The following FIGNL2 variants were observed in gnomAD, a reference collection of about 807,000 sequenced individuals.
FIGNL2 encodes fidgetin like 2.
For missense variants in FIGNL2, 1,060 were observed against 950.2 expected, an observed-to-expected ratio of 1.12 and a Z score of -1.52; for synonymous variants, 565 against 484.0, an observed-to-expected ratio of 1.17 and a Z score of -2.20.
intron 1 of FIGNL2, chr12:51,847,757 T>C: frequency 4.1e-6 from 4 of 985,392 alleles, no homozygotes; most frequent in Non-Finnish European, 4.8e-6. Context: ...AAGGACCCTC[T>C]GCAGCGGCGG....
Position 51,820,679 on chromosome 12 carries a change from T to C in FIGNL2, c.1735A>G (p.Ser579Gly). 6.6e-7 allele frequency: 1 copy of C among 1,512,456 alleles called. No individual in the cohort carries two copies. Among genetic ancestry groups the C allele is most frequent in the Non-Finnish European group, 8.8e-7 (1 of 1,138,066 alleles). The allele number at this position is 1,512,456 out of a possible 1,614,324, so 93.7% of individuals were successfully genotyped here. Residue 579 changes from serine to glycine, a missense_variant, in exon 2 of 2, where the codon AGT (serine) becomes GGT (glycine). Coordinates refer to ENST00000618634, the MANE Select transcript of FIGNL2 (RefSeq NM_001384995.1). Reference protein sequence around the residue: ...RALAQQGCALSERELAALVQG... With the variant: ...RALAQQGCALGERELAALVQG... The stretch of plus-strand genomic sequence containing the variant: ...ACCAGCGCCGCCAGTTCCCGCTCAC[T>C]GAGCGCGCAGCCCTGCTGGGCCAGC...
At chr12:51,827,939 C>T (rs1441998359) in intron 1 of FIGNL2, among the ~76,000 whole-genome samples, 1 of 152,208 alleles carries the variant, frequency 6.6e-6, no homozygotes, top group East Asian at 1.9e-4. Context: ...TCTTCAGGGT[C>T]ACATGGCTGT....
intron 1 of FIGNL2, among the ~76,000 whole-genome samples, chr12:51,842,914 C>T (rs1437923709): frequency 6.6e-6 from 1 of 152,190 alleles, no homozygotes; most frequent in Non-Finnish European, 1.5e-5. Context: ...GAAGGTGGCA[C>T]CACATCAGAA....
chr12:51,842,564 AT>A (rs1939680618), intron 1 of FIGNL2, among the ~76,000 whole-genome samples: 1 of 152,104 alleles, frequency 6.6e-6, no homozygotes, highest in African/African-American at 2.4e-5. Flanking sequence ...ATTCTTAAGC[AT>A]CCAAGGGTCA....
chr12:51,830,291 A>G (rs2138985307), intron 1 of FIGNL2, among the ~76,000 whole-genome samples: 1 of 151,780 alleles, frequency 6.6e-6, no homozygotes, highest in African/African-American at 2.4e-5. Context: ...TCCATCTCAA[A>G]AAAAAAAAGA....
rs748355861 is a variant in FIGNL2, at chr12:51,822,204, G to A, written c.210C>T (p.Val70=). 16 of 1,611,832 alleles carry A rather than the reference G, an allele frequency of 9.9e-6. No homozygotes were observed. The highest frequency in any genetic ancestry group is 1.4e-5 in the Non-Finnish European group (16 of 1,179,144). The change falls in exon 2 of 2, where the codon GTC becomes GTT. Residue 70 remains valine (V), a synonymous_variant. Transcript: ENST00000618634. Reference sequence around the variant, plus strand: ...CCGGACGCTCGTAGGGAGAATCCAAGACCCCAGAGTACTTCTCTGCATAGC... The same window carrying A: ...CCGGACGCTCGTAGGGAGAATCCAAAACCCCAGAGTACTTCTCTGCATAGC... ...LKRYAEKYSG[V]LDSPYERPAL... is the part of the protein sequence containing the mutation.
In FIGNL2 at chr12:51,820,441, C is replaced by G; in HGVS notation, c.*11G>C. 6.3e-7 allele frequency: 1 copy of G among 1,583,170 alleles called. No homozygotes were observed. Among genetic ancestry groups the G allele is most frequent in the Non-Finnish European group, 8.5e-7 (1 of 1,172,982 alleles). ...AGGGACTGCGGCTCCCGCGGCCTCCCCCGCGCGCCGTCAGTGTCCGGAGCC... is the reference window on the plus strand; with the variant it reads ...AGGGACTGCGGCTCCCGCGGCCTCCGCCGCGCGCCGTCAGTGTCCGGAGCC... On this transcript the variant is annotated 3_prime_UTR_variant, in exon 2 of 2. Coordinates refer to ENST00000618634, the MANE Select transcript of FIGNL2 (RefSeq NM_001384995.1).
chr12:51,848,497 T>C, intron 1 of FIGNL2, 43 bp downstream of exon 1: 1 of 982,290 alleles, frequency 1.0e-6, no homozygotes, highest in African/African-American at 1.8e-5. Flanking sequence ...GACCGAACGG[T>C]CACCTCCCCC....
chr12:51,831,281 A>G (rs767585490), intron 1 of FIGNL2, among the ~76,000 whole-genome samples: 2 of 152,198 alleles, frequency 1.3e-5, no homozygotes, highest in Non-Finnish European at 2.9e-5. Context: ...GGAGTCAGGA[A>G]TTCATTTTGC....
intron 1 of FIGNL2, chr12:51,823,400 T>C (rs2138975182): frequency 6.6e-6 from 1 of 152,294 alleles, no homozygotes; most frequent in African/African-American, 2.4e-5. Context: ...AAAGCAAAAA[T>C]GTTCCTGTCT....
intron 1 of FIGNL2, among the ~76,000 whole-genome samples, chr12:51,844,285 C>T (rs868755446): frequency 6.6e-6 from 1 of 152,320 alleles, no homozygotes; most frequent in African/African-American, 2.4e-5. Context: ...GCTACAGAGG[C>T]AGGCCATGGC....
In FIGNL2 at chr12:51,821,547, G is replaced by C. The variant is rs781645879; in HGVS notation, c.867C>G (p.Pro289=). ...RKYAYEPAKA[P]VADGASYPAA... is the part of the protein sequence containing the mutation. ...CGGGGTAGGAGGCTCCGTCAGCCAC[G>C]GGGGCCTTGGCGGGCTCGTACGCGT... Residue 289 remains proline, a synonymous_variant, in exon 2 of 2, where the codon CCC becomes CCG. Coordinates refer to ENST00000618634, the MANE Select transcript of FIGNL2 (RefSeq NM_001384995.1). The C allele has an allele frequency of 1.3e-6, 2 of 1,556,760 alleles. No homozygotes were observed. The highest frequency in any genetic ancestry group is 1.7e-6 in the Non-Finnish European group (2 of 1,160,232).
At chr12:51,825,225 G>A (rs572809895) in intron 1 of FIGNL2, among the ~76,000 whole-genome samples, 7 of 152,124 alleles carry the variant, frequency 4.6e-5, no homozygotes, top group African/African-American at 1.4e-4. Context: ...ACAAGCTGGG[G>A]AAAAAGAGTG....
chr12:51,820,254 G>A lies in FIGNL2; in HGVS notation c.*198C>T, dbSNP rs537794013. The A allele has an allele frequency of 3.0e-6, 2 of 667,088 alleles. No individual in the cohort carries two copies. The highest frequency in any genetic ancestry group is 3.8e-5 in the African/African-American group (2 of 52,220). The allele number at this position is 667,088 out of a possible 1,614,324, so 41.3% of individuals were successfully genotyped here. On this transcript the variant is annotated 3_prime_UTR_variant, in exon 2 of 2. Transcript: ENST00000618634. ...ATAAATAGGAAAAACCTGAGTACAC[G>A]GCGCATATGGCATCTGCCTGGCAGA...
rs765256467 is a variant in FIGNL2 at position 51,822,128 on chromosome 12, G to T, written c.286C>A (p.Pro96Thr). ...GGCTCCGGCCCTGGCCAGGGCTCGG[G>T]ATCCCCTTTGGCGCCGTTGAGGAAG... ...ASFLNGAKGD[P>T]EPWPGPEPPY... Residue 96 changes from proline to threonine, a missense_variant, in exon 2 of 2, where the codon CCC (proline) becomes ACC (threonine). By Grantham distance (38) the Pro-to-Thr change is conservative. Transcript: ENST00000618634. 14 of 1,610,990 alleles carry T rather than the reference G, an allele frequency of 8.7e-6. No homozygotes were observed. The highest frequency in any genetic ancestry group is 1.2e-5 in the Non-Finnish European group (14 of 1,178,832).
chr12:51,825,043 TCAAAA>T lies in FIGNL2; in HGVS notation c.-11-2624_-11-2620del, dbSNP rs1225797149. Among the ~76,000 whole-genome samples the T allele has an allele frequency of 5.3e-5, 8 of 151,736 alleles. No individual in the cohort carries two copies. In the South Asian group the frequency reaches 1.7e-3, roughly 32 times the overall value. ...TGGGCGACAAGAGTGAGACTCCATC[TCAAAA>T]CAAACAAACAAACAAAAGTTACACA... On this transcript the variant is annotated intron_variant, in intron 1 of 1. Coordinates refer to ENST00000618634, the MANE Select transcript of FIGNL2 (RefSeq NM_001384995.1).
intron 1 of FIGNL2, among the ~76,000 whole-genome samples, chr12:51,834,660 C>T (rs1268893658): frequency 6.6e-6 from 1 of 152,230 alleles, no homozygotes; most frequent in Admixed American, 6.5e-5. Context: ...AAGCGGCCCC[C>T]ATCTGGGCTC....
intron 1 of FIGNL2, 129 bp from the exon 2 acceptor site, chr12:51,822,553 C>T (rs1365801568): frequency 3.0e-6 from 3 of 987,492 alleles, no homozygotes; most frequent in African/African-American, 3.2e-5. Flanking sequence ...CACCACCTAC[C>T]GCCCCACTCT....
chr12:51,830,873 C>G (rs900934731), intron 1 of FIGNL2, among the ~76,000 whole-genome samples: 3 of 152,140 alleles, frequency 2.0e-5, no homozygotes, highest in Non-Finnish European at 4.4e-5. Context: ...CCTCAACTTC[C>G]CAGGTTCAAG....
Sources: gnomAD v4.1 joint callset for allele counts (sites outside exome capture counted in the v4.1 genomes callset) on GRCh38, gnomAD v4.1.1 for gene constraint, MANE v1.5 for transcripts, NCBI Gene and HGNC (gene_info 2026-07-23, HGNC 2026-07-21) for gene names.